The following PRKAR1A variants were observed in gnomAD, a reference collection of about 807,000 sequenced individuals.
The protein encoded by PRKAR1A is cAMP-dependent protein kinase type I-alpha regulatory subunit.
Under a neutral mutation model 52.0 loss-of-function variants are expected in PRKAR1A, and 3 were observed. The ratio of observed to expected loss-of-function variants is 0.06; its 90% CI spans 0.03 to 0.15. The LOEUF (loss-of-function observed/expected upper bound fraction) is 0.15, where lower values mean the gene tolerates loss of function less well. PRKAR1A is among the 10% of genes least tolerant of loss of function. PRKAR1A has a pLI of 1.00. For synonymous variants in PRKAR1A, 188 were observed against 168.4 expected (o/e 1.12, Z -0.90); for missense variants, 240 against 477.4 (o/e 0.50, Z 4.63).
In PRKAR1A at chr17:68,522,453, G is replaced by A. The variant is rs997255568; in HGVS notation, c.178-303G>A. Among the ~76,000 whole-genome samples, 6 of 152,262 alleles carry A rather than the reference G, an allele frequency of 3.9e-5. No homozygotes were observed. The East Asian group carries it at 5.8e-4, about 15-fold the overall frequency. Reference sequence around the variant, plus strand: ...GTTGTGTGCATCACAGATAATTGTTGTCAAGACATTAATGAATATCTGATT... The same window carrying A: ...GTTGTGTGCATCACAGATAATTGTTATCAAGACATTAATGAATATCTGATT... On this transcript the variant is annotated intron_variant, in intron 2 of 10. Coordinates refer to ENST00000589228, the MANE Select transcript of PRKAR1A (RefSeq NM_002734.5).
At chr17:68,468,141 G>A in the PRKAR1A span, among the ~76,000 whole-genome samples, 2 of 152,168 alleles carry the variant, frequency 1.3e-5, no homozygotes, top group Non-Finnish European at 2.9e-5. Flanking sequence ...TTGTTAGGAT[G>A]GAGAGTGGGG....
chr17:68,485,139 C>T, the PRKAR1A span, among the ~76,000 whole-genome samples: 1 of 152,266 alleles, frequency 6.6e-6, no homozygotes, highest in East Asian at 1.9e-4. Context: ...ATTTTACCCA[C>T]CAAACTATCA....
At chr17:68,501,116 A>G in the PRKAR1A span, among the ~76,000 whole-genome samples, 2 of 152,346 alleles carry the variant, frequency 1.3e-5, no homozygotes, top group Non-Finnish European at 2.9e-5. Context: ...ACGGTGGATC[A>G]GAAGTGTCAT....
downstream of PRKAR1A, chr17:68,536,113 G>T (rs1417787550): frequency 2.2e-6 from 1 of 454,132 alleles, no homozygotes. Context: ...TACCAGTCAT[G>T]TGGGGGTACC....
chr17:68,488,982 A>T, the PRKAR1A span, among the ~76,000 whole-genome samples: 7 of 150,818 alleles, frequency 4.6e-5, no homozygotes, highest in Non-Finnish European at 8.9e-5. Context: ...CACAATTTTT[A>T]AAATATTTAT....
At position 68,523,705 on chromosome 17, in the gene PRKAR1A, G is replaced by GA. The variant is rs749676243; in HGVS notation, c.349-19dup. 3.8e-6 allele frequency: 6 copies of GA among 1,584,680 alleles called. No individual in the cohort carries two copies. Among genetic ancestry groups the GA allele is most frequent in the South Asian group, 1.1e-5 (1 of 90,190 alleles). ...TTTTTGGTTTATGGAATTGTCATTT[G>GA]ACCTTCAGTTCTTTTCTAGGTTATA... On this transcript the variant is annotated intron_variant, in intron 3 of 10. Coordinates refer to ENST00000589228, the MANE Select transcript of PRKAR1A (RefSeq NM_002734.5).
At position 68,548,270 on chromosome 17, in the gene PRKAR1A, C is replaced by T. The variant is rs536746144; in HGVS notation, c.974-2814C>T. 3.9e-5 allele frequency among the ~76,000 whole-genome samples: 6 copies of T among 152,200 alleles called. No homozygotes were observed. The South Asian group carries it at 1.2e-3, about 32-fold the overall frequency. ...ATTAGCTGGGCATGGTGGCACACGC[C>T]TATAATCCCAGCACTTTGGGAGGCT... On this transcript the variant is annotated intron_variant, in intron 11 of 11. Transcript: ENST00000585981.
chr17:68,536,404 A>G (rs77669268), downstream of PRKAR1A: 12,952 of 454,108 alleles, frequency 0.029, 255 homozygotes, highest in Non-Finnish European at 0.037. Flanking sequence ...AAAGCCTCCT[A>G]TTAAAAGGAG....
chr17:68,421,260 AAT>A, the PRKAR1A span: 2 of 153,430 alleles, frequency 1.3e-5, no homozygotes, highest in Non-Finnish European at 2.9e-5. Context: ...GAAACAAAAA[AAT>A]ATATAAAAAC....
chr17:68,424,701 C>A, the PRKAR1A span, among the ~76,000 whole-genome samples: 1 of 152,172 alleles, frequency 6.6e-6, no homozygotes, highest in African/African-American at 2.4e-5. Context: ...CATGGTGAAA[C>A]CCCGTCTCTA....
chr17:68,535,676 T>G, downstream of PRKAR1A: 1 of 447,282 alleles, frequency 2.2e-6, no homozygotes, highest in South Asian at 1.6e-5. Flanking sequence ...AAAATTTTTT[T>G]TTTTTTGTAT....
intron 9 of PRKAR1A, 122 bp from the exon 10 acceptor site, chr17:68,529,798 T>C (rs1600494417): frequency 1.4e-5 from 14 of 971,014 alleles, no homozygotes; most frequent in East Asian, 2.4e-5. Flanking sequence ...TGACTAACTT[T>C]AAAGTCATTT....
chr17:68,421,771 C>T, the PRKAR1A span: 1 of 1,614,186 alleles, frequency 6.2e-7, no homozygotes, highest in Non-Finnish European at 8.5e-7. Flanking sequence ...GTGTGCTTCT[C>T]ATCATGACTG....
chr17:68,519,982 A>G (rs549533322), intron 2 of PRKAR1A, among the ~76,000 whole-genome samples: 1 of 152,366 alleles, frequency 6.6e-6, no homozygotes, highest in African/African-American at 2.4e-5. Flanking sequence ...CTGGAGCAAC[A>G]TACAACCCCC....
the PRKAR1A span, among the ~76,000 whole-genome samples, chr17:68,504,706 G>A: frequency 6.6e-6 from 1 of 152,134 alleles, no homozygotes; most frequent in Admixed American, 6.5e-5. Context: ...AGCGGTGGAG[G>A]GTGGAGGGGA....
the PRKAR1A span, chr17:68,433,380 A>T: frequency 8.1e-7 from 1 of 1,229,606 alleles, no homozygotes; most frequent in Non-Finnish European, 1.2e-6. Context: ...GGGTGTTCAG[A>T]AAGAAAAGAG....
chr17:68,534,798 A>G (rs1428297525), downstream of PRKAR1A, among the ~76,000 whole-genome samples: 7 of 152,194 alleles, frequency 4.6e-5, no homozygotes, highest in Non-Finnish European at 7.3e-5. Context: ...TGTCTTAAAC[A>G]TGCGTTAACA....
chr17:68,489,210 ATATATATATATATATATATGGAAAG>A, the PRKAR1A span, among the ~76,000 whole-genome samples: 15 of 47,124 alleles, frequency 3.2e-4, no homozygotes, highest in African/African-American at 5.4e-4. Flanking sequence ...ATATATATAT[ATATATATATATATATATATGGAAAG>A]TATATATATA....
intron 11 of PRKAR1A, chr17:68,541,021 C>T (rs1405914054): frequency 2.6e-6 from 4 of 1,547,124 alleles, no homozygotes; most frequent in Non-Finnish European, 3.5e-6. Context: ...GGGGGTCTCC[C>T]CACACCTCCC....
Sources: gnomAD v4.1 joint callset for allele counts (sites outside exome capture counted in the v4.1 genomes callset) on GRCh38, gnomAD v4.1.1 for gene constraint, MANE v1.5 for transcripts, NCBI Gene and HGNC (gene_info 2026-07-23, HGNC 2026-07-21) for gene names.